Variants in TASP1 observed in about 807,000 individuals in gnomAD.
The protein encoded by TASP1 is taspase 1, also known as threonine aspartase 1.
In TASP1, 16 loss-of-function variants were observed where a neutral mutation model predicts 56.6. The ratio of observed to expected loss-of-function variants is 0.28; its 90% CI spans 0.19 to 0.43. The LOEUF (loss-of-function observed/expected upper bound fraction) is 0.43, where lower values mean the gene tolerates loss of function less well. Ranked by LOEUF, TASP1 falls within the 20% of genes least tolerant of loss-of-function variation. TASP1 has a pLI of 1.00. For missense variants in TASP1, 393 were observed against 511.6 expected, an observed-to-expected ratio of 0.77 and a Z score of 2.24; for synonymous variants, 179 against 184.2, an observed-to-expected ratio of 0.97 and a Z score of 0.23.
At chr20:13,413,431 C>T (rs754108276) in intron 13 of TASP1, among the ~76,000 whole-genome samples, 3 of 151,982 alleles carry the variant, frequency 2.0e-5, no homozygotes, top group African/African-American at 7.3e-5. Flanking sequence ...AAGAGGACAG[C>T]ACCTTGATTA....
At chr20:13,611,681 A>C (rs2048351777) in intron 4 of TASP1, among the ~76,000 whole-genome samples, 1 of 152,158 alleles carries the variant, frequency 6.6e-6, no homozygotes, top group African/African-American at 2.4e-5. Context: ...TCTGTCCAAG[A>C]CTTATTTCCA....
rs540844453 is a variant in TASP1, at chr20:13,618,527, G to A, written c.282+4919C>T. Reference sequence around the variant, plus strand: ...CTTTCTCTTACATACCAAAATATCAGTCACCTGAATAAGTTATTCTTAAAG... The same window carrying A: ...CTTTCTCTTACATACCAAAATATCAATCACCTGAATAAGTTATTCTTAAAG... On this transcript the variant is annotated intron_variant, in intron 4 of 13. Transcript: ENST00000337743. Among the ~76,000 whole-genome samples the A allele has an allele frequency of 4.6e-5, 7 of 152,088 alleles. No individual in the cohort carries two copies. In the East Asian group the frequency reaches 1.4e-3, roughly 29 times the overall value.
In TASP1 at chr20:13,630,031, T is replaced by C. The variant is rs1397698411; in HGVS notation, c.48A>G (p.Arg16=). 6.2e-6 allele frequency: 10 copies of C among 1,613,978 alleles called. No individual in the cohort carries two copies. In the South Asian group the frequency reaches 1.1e-4, roughly 18 times the overall value. ...GMSSGEGLPS[R]SSQVSAGKIT... is the part of the protein sequence containing the mutation. ...TTTTACCAGCCGAAACCTGAGATGA[T>C]CTGGAAGGCAGCCCTTCTCCAGAAC... Residue 16 remains arginine, a synonymous_variant, in exon 2 of 14, where the codon AGA becomes AGG. Coordinates refer to ENST00000337743, the MANE Select transcript of TASP1 (RefSeq NM_017714.3).
the TASP1 span, among the ~76,000 whole-genome samples, chr20:13,155,804 C>A: frequency 6.6e-6 from 1 of 152,072 alleles, no homozygotes. Context: ...CTAGCCAGGG[C>A]AACAGAGCAA....
chr20:13,371,481 C>T, the TASP1 span, among the ~76,000 whole-genome samples: 1 of 151,728 alleles, frequency 6.6e-6, no homozygotes, highest in African/African-American at 2.4e-5. Flanking sequence ...CTTTCTGTTA[C>T]TTTTAATTTT....
the TASP1 span, among the ~76,000 whole-genome samples, chr20:13,362,678 G>A: frequency 2.9e-4 from 44 of 151,730 alleles, no homozygotes; most frequent in African/African-American, 1.0e-3. Context: ...CTCTTCACAT[G>A]GACGCGCATG....
At chr20:13,621,660 A>T (rs987803231) in intron 4 of TASP1, among the ~76,000 whole-genome samples, 2 of 152,188 alleles carry the variant, frequency 1.3e-5, no homozygotes, top group African/African-American at 4.8e-5. Context: ...TTCAAAATGT[A>T]TTTTTATCAT....
the TASP1 span, among the ~76,000 whole-genome samples, chr20:13,218,690 T>C: frequency 6.6e-6 from 1 of 152,244 alleles, no homozygotes; most frequent in Admixed American, 6.5e-5. Context: ...AAATTTGTAA[T>C]TGTTTTTCCA....
chr20:13,563,156 A>G (rs1387305864), intron 7 of TASP1, among the ~76,000 whole-genome samples: 4 of 151,586 alleles, frequency 2.6e-5, no homozygotes, highest in African/African-American at 7.3e-5. Flanking sequence ...GAGTTCTATG[A>G]AAAATTGTGT....
At chr20:13,265,235 A>G in the TASP1 span, among the ~76,000 whole-genome samples, 1 of 152,040 alleles carries the variant, frequency 6.6e-6, no homozygotes, top group Non-Finnish European at 1.5e-5. Context: ...TGTTCTCTTA[A>G]CCTGATGCAT....
the TASP1 span, among the ~76,000 whole-genome samples, chr20:13,136,160 A>G: frequency 2.0e-5 from 3 of 152,200 alleles, no homozygotes. Flanking sequence ...CTGCCCTTAA[A>G]CTGAAGGAGT....
At chr20:13,355,119 G>A in the TASP1 span, among the ~76,000 whole-genome samples, 488 of 152,266 alleles carry the variant, frequency 3.2e-3, 1 homozygote, top group East Asian at 0.01. Context: ...AACACAGCAG[G>A]AAGTTAGCAC....
Position 13,499,128 on chromosome 20 carries a change from T to C in TASP1, c.875-15791A>G, listed in dbSNP as rs563290900. ...ATATACGCCCTGGAAAATACGTAAA[T>C]ATAAAAAAGAATGAAAATATGTCCT... On this transcript the variant is annotated intron_variant, in intron 10 of 13. Coordinates refer to ENST00000337743, the MANE Select transcript of TASP1 (RefSeq NM_017714.3). Among the ~76,000 whole-genome samples the C allele has an allele frequency of 2.0e-5, 3 of 152,022 alleles. No homozygotes were observed. In the South Asian group the frequency reaches 6.2e-4, roughly 32 times the overall value.
chr20:13,316,776 A>G, the TASP1 span, among the ~76,000 whole-genome samples: 2 of 151,892 alleles, frequency 1.3e-5, no homozygotes, highest in African/African-American at 4.8e-5. Context: ...CTAGGAATAG[A>G]TGGGAACTTC....
intron 1 of TASP1, 134 bp from the exon 2 acceptor site, chr20:13,630,286 C>G (rs575742521): frequency 4.0e-6 from 2 of 497,302 alleles, no homozygotes; most frequent in South Asian, 3.7e-5. Flanking sequence ...AAAAAGGTAT[C>G]AAAGCTATTT....
At chr20:13,137,282 A>G in the TASP1 span, among the ~76,000 whole-genome samples, 1 of 152,154 alleles carries the variant, frequency 6.6e-6, no homozygotes, top group African/African-American at 2.4e-5. Flanking sequence ...TCTGTGGGGA[A>G]GTTGTTGCCT....
the TASP1 span, among the ~76,000 whole-genome samples, chr20:13,342,712 A>G: frequency 6.6e-6 from 1 of 152,236 alleles, no homozygotes; most frequent in East Asian, 1.9e-4. Context: ...ACATTTGGAG[A>G]TTTCACAAGA....
intron 5 of TASP1, among the ~76,000 whole-genome samples, chr20:13,582,221 A>C (rs2047153443): frequency 6.6e-6 from 1 of 151,930 alleles, no homozygotes; most frequent in South Asian, 2.1e-4. Flanking sequence ...AAAGACATTC[A>C]TCTTTTCCAA....
chr20:13,195,716 C>T, the TASP1 span, among the ~76,000 whole-genome samples: 1 of 152,048 alleles, frequency 6.6e-6, no homozygotes, highest in Non-Finnish European at 1.5e-5. Flanking sequence ...TGGAGGAGCC[C>T]AAATGAAGAC....
Sources: allele counts gnomAD v4.1 joint callset (sites outside exome capture counted in the v4.1 genomes callset), GRCh38; gene constraint gnomAD v4.1.1; transcripts MANE v1.5; gene names NCBI Gene and HGNC (gene_info 2026-07-23, HGNC 2026-07-21).